Variants in WEE2 observed in about 807,000 individuals in gnomAD.
WEE2 encodes the protein WEE2 oocyte meiosis inhibiting kinase, also known as wee1-like protein kinase 2.
WEE2 carries 50 observed loss-of-function variants against 60.1 expected under a neutral mutation model. The observed-to-expected ratio is 0.83, with a 90% confidence interval of 0.66 to 1.05. The LOEUF (loss-of-function observed/expected upper bound fraction) is 1.05, where lower values mean the gene tolerates loss of function less well. Ranked by LOEUF, WEE2 falls within the 50% of genes least tolerant of loss-of-function variation. WEE2 has a pLI of 0.00. For missense variants in WEE2, 631 were observed against 684.3 expected, an observed-to-expected ratio of 0.92 and a Z score of 0.87; for synonymous variants, 240 against 241.0, an observed-to-expected ratio of 1.00 and a Z score of 0.04.
chr7:141,729,445 A>T, intron 10 of WEE2, 86 bp from the exon 11 acceptor site: 1 of 1,564,842 alleles, frequency 6.4e-7, no homozygotes, highest in Non-Finnish European at 8.8e-7. Flanking sequence ...TGAAACAAGA[A>T]GAAAAACATT....
intron 10 of WEE2, 126 bp from the exon 11 acceptor site, chr7:141,729,405 A>G (rs932411936): frequency 1.4e-5 from 18 of 1,318,302 alleles, no homozygotes; most frequent in Non-Finnish European, 1.8e-5. Context: ...TATTCTGTAC[A>G]TAGCTCAGGC....
chr7:141,719,278 C>T (rs1563014491), intron 4 of WEE2, 34 bp downstream of exon 4: 3 of 1,534,094 alleles, frequency 2.0e-6, no homozygotes, highest in Non-Finnish European at 2.6e-6. Context: ...AAAATATAAA[C>T]TTAGATTTGG....
intron 2 of WEE2, among the ~76,000 whole-genome samples, 185 bp downstream of exon 2, chr7:141,714,590 C>T (rs1336709548): frequency 6.6e-6 from 1 of 152,166 alleles, no homozygotes; most frequent in Non-Finnish European, 1.5e-5. Flanking sequence ...ATTCCAACAT[C>T]TTTCCATTCT....
chr7:141,724,553 A>G (rs973409535), intron 8 of WEE2, among the ~76,000 whole-genome samples: 4 of 152,214 alleles, frequency 2.6e-5, no homozygotes, highest in African/African-American at 7.2e-5. Flanking sequence ...TTGCCTACTA[A>G]GAAGGAAGCC....
At position 141,723,170 on chromosome 7, in the gene WEE2, A is replaced by C. The variant is rs1235107656; in HGVS notation, c.917A>C (p.Lys306Thr). 6.2e-7 allele frequency: 1 copy of C among 1,614,082 alleles called. No homozygotes were observed. Among genetic ancestry groups the C allele is most frequent in the African/African-American group, 1.3e-5 (1 of 74,942 alleles). Residue 306 changes from lysine to threonine, a missense_variant, in exon 6 of 12, where the codon AAG (lysine) becomes ACG (threonine). Coordinates refer to ENST00000397541, the MANE Select transcript of WEE2 (RefSeq NM_001105558.1). Reference protein sequence around the residue: ...SLQAAISENTKSGNHFEEPKL... With the variant: ...SLQAAISENTTSGNHFEEPKL... ...CAAGCTGCTATATCTGAAAACACTA[A>C]GTCTGGCAATCATTTTGAAGAGCCA...
intron 11 of WEE2, among the ~76,000 whole-genome samples, chr7:141,730,061 T>C (rs192197473): frequency 1.3e-4 from 19 of 150,436 alleles, no homozygotes; most frequent in African/African-American, 4.4e-4. Context: ...TAAATAGATA[T>C]CAGCTGTCCC....
At position 141,711,745 on chromosome 7, in the gene WEE2, T is replaced by G. The variant is rs968514722; in HGVS notation, c.343-2464T>G. The G allele has an allele frequency of 6.6e-6, 1 of 152,224 alleles. No homozygotes were observed. Among genetic ancestry groups the G allele is most frequent in the South Asian group, 2.1e-4 (1 of 4,826 alleles). The allele number at this position is 152,224 out of a possible 1,614,324, so 9.4% of individuals were successfully genotyped here. On this transcript the variant is annotated intron_variant, in intron 1 of 11. Coordinates refer to ENST00000397541, the MANE Select transcript of WEE2 (RefSeq NM_001105558.1). The surrounding 1 kb of genome is among the most constrained non-coding windows in gnomAD (Gnocchi z 4.2). ...TGGGTAAATTATAAAGAAAAGAGGT[T>G]TATTTGGCTTACAGTTCTGCAGGCT...
At position 141,725,134 on chromosome 7, in the gene WEE2, C is replaced by A. The variant is rs760825983; in HGVS notation, c.1330C>A (p.Arg444Ser). ...CAATGGTGCTGCATGGCACCATATC[C>A]GCAAGGGTAACTTTCCGGACGTTCC... ...PTNGAAWHHI[R>S]KGNFPDVPQE... The change falls in exon 9 of 12, where the codon CGC becomes AGC. Residue 444 changes from arginine (R) to serine (S), a missense_variant. By Grantham distance (110) the Arg-to-Ser change is moderately radical. Transcript: ENST00000397541. 3.7e-6 allele frequency: 6 copies of A among 1,614,144 alleles called. No individual in the cohort carries two copies. The South Asian group carries it at 6.6e-5, about 18-fold the overall frequency.
chr7:141,719,928 T>G (rs1407669154), intron 4 of WEE2, among the ~76,000 whole-genome samples: 2 of 152,170 alleles, frequency 1.3e-5, no homozygotes, highest in East Asian at 1.9e-4. Flanking sequence ...TATCTTTACT[T>G]TACATTAACA....
chr7:141,724,962 ATATTT>A, intron 8 of WEE2, 59 bp from the exon 9 acceptor site: 1 of 1,546,804 alleles, frequency 6.5e-7, no homozygotes, highest in East Asian at 2.3e-5. Context: ...CCTACCAGTT[ATATTT>A]TAATCTAGAC....
At position 141,727,397 on chromosome 7, in the gene WEE2, C is replaced by T. The variant is rs775403149; in HGVS notation, c.1486C>T (p.Leu496Phe). 1 of 1,614,014 alleles carries T rather than the reference C, an allele frequency of 6.2e-7. No individual in the cohort carries two copies. Among genetic ancestry groups the T allele is most frequent in the Non-Finnish European group, 8.5e-7 (1 of 1,180,022 alleles). ...LRPSLGKTEE[L>F]QQQLNLEKFK... ...GCCTTCCCTGGGAAAAACAGAAGAG[C>T]TCCAACAGCAGCTGAATTTGGAAAA... The change falls in exon 10 of 12, where the codon CTC becomes TTC. Residue 496 changes from leucine to phenylalanine, a missense_variant. Transcript: ENST00000397541.
Position 141,719,122 on chromosome 7 carries a change from C to A in WEE2, c.636C>A (p.Phe212Leu). Residue 212 changes from phenylalanine to leucine, a missense_variant, in exon 4 of 12, where the codon TTC becomes TTA. Phe to Leu is a conservative substitution (Grantham distance 22). Coordinates refer to ENST00000397541, the MANE Select transcript of WEE2 (RefSeq NM_001105558.1). ...TGGCTTCCCGCTATGAAAAAGAATT[C>A]TTGGAGGTTGAAAAAATTGGGGTTG... ...TNMASRYEKEFLEVEKIGVGE... is the reference protein window; with the variant it reads ...TNMASRYEKELLEVEKIGVGE... The A allele has an allele frequency of 6.2e-7, 1 of 1,613,958 alleles. No individual in the cohort carries two copies. Among genetic ancestry groups the A allele is most frequent in the Non-Finnish European group, 8.5e-7 (1 of 1,179,958 alleles).
At chr7:141,714,495 G>C in intron 2 of WEE2, 90 bp downstream of exon 2, 1 of 1,014,158 alleles carries the variant, frequency 9.9e-7, no homozygotes, top group Non-Finnish European at 1.4e-6. Flanking sequence ...TTAGGAACGA[G>C]AACTCTATTT....
Position 141,708,977 on chromosome 7 carries a change from CAAAG to C in WEE2, c.224_227del (p.Glu75ValfsTer6), listed in dbSNP as rs768323979. 5.8e-5 allele frequency: 94 copies of C among 1,614,010 alleles called. No individual in the cohort carries two copies. The highest frequency in any genetic ancestry group is 4.9e-4 in the Middle Eastern group (3 of 6,084). On this transcript the variant is annotated frameshift_variant, in exon 1 of 12. Coordinates refer to ENST00000397541, the MANE Select transcript of WEE2 (RefSeq NM_001105558.1). LOFTEE classifies it high-confidence loss of function. ...AGCTCGACACATCTTCGGAAAAAGA[CAAAG>C]AAAGTCCAGATCAGATTTTGAGGAC...
In WEE2 at chr7:141,708,842, G is replaced by A. The variant is rs754792862; in HGVS notation, c.84G>A (p.Lys28=). 2 of 1,614,060 alleles carry A rather than the reference G, an allele frequency of 1.2e-6. No homozygotes were observed. The highest frequency in any genetic ancestry group is 2.7e-5 in the African/African-American group (2 of 74,924). Residue 28 remains lysine (K), a synonymous_variant, in exon 1 of 12, where the codon AAG becomes AAA. Coordinates refer to ENST00000397541, the MANE Select transcript of WEE2 (RefSeq NM_001105558.1). Reference sequence around the variant, plus strand: ...AGGAGACTGAGATTGAAGGGCAGAAGAAAGTAGAAGAAAGCAGGGAGGCTT... The same window carrying A: ...AGGAGACTGAGATTGAAGGGCAGAAAAAAGTAGAAGAAAGCAGGGAGGCTT... ...YCEETEIEGQ[K]KVEESREASS... is the part of the protein sequence containing the mutation.
Position 141,729,539 on chromosome 7 carries a change from G to A in WEE2, c.1544G>A (p.Arg515Lys), listed in dbSNP as rs1477275407. 1.2e-6 allele frequency: 2 copies of A among 1,614,060 alleles called. No individual in the cohort carries two copies. Among genetic ancestry groups the A allele is most frequent in the Non-Finnish European group, 1.7e-6 (2 of 1,180,034 alleles). ...TCTCCCTCGCACTTCAGGGAACTGAGAGAAGCCCAGCAGGCCCAGTCACCC... is the reference window on the plus strand; with the variant it reads ...TCTCCCTCGCACTTCAGGGAACTGAAAGAAGCCCAGCAGGCCCAGTCACCC... ...FKTATLERELREAQQAQSPQG... is the reference protein window; with the variant it reads ...FKTATLERELKEAQQAQSPQG... Residue 515 changes from arginine to lysine, a missense_variant, in exon 11 of 12, where the codon AGA (arginine) becomes AAA (lysine). Arg to Lys is a conservative substitution (Grantham distance 26). Transcript: ENST00000397541.
At chr7:141,716,557 C>T (rs1029772053) in intron 3 of WEE2, among the ~76,000 whole-genome samples, 2 of 151,658 alleles carry the variant, frequency 1.3e-5, no homozygotes, top group African/African-American at 4.9e-5. Flanking sequence ...CCATCTCACA[C>T]GCTAGCTTTG....
chr7:141,724,406 G>C, intron 8 of WEE2, 131 bp downstream of exon 8: 1 of 806,748 alleles, frequency 1.2e-6, no homozygotes, highest in Non-Finnish European at 1.9e-6. Context: ...TCAGAATGGA[G>C]ACCAAAGATA....
chr7:141,713,741 T>C (rs1174691110), intron 1 of WEE2, among the ~76,000 whole-genome samples: 1 of 152,208 alleles, frequency 6.6e-6, no homozygotes, highest in African/African-American at 2.4e-5. Context: ...TTCCTTAAGA[T>C]TTAGAATTCA....
Sources: gnomAD v4.1 joint callset for allele counts (sites outside exome capture counted in the v4.1 genomes callset) on GRCh38, gnomAD v4.1.1 for gene constraint, Gnocchi (gnomAD v3.1) non-coding constraint, MANE v1.5 for transcripts, NCBI Gene and HGNC (gene_info 2026-07-23, HGNC 2026-07-21) for gene names.